NFIA: variants seen among roughly 807,000 people sequenced by gnomAD.
The protein encoded by NFIA is nuclear factor 1 A-type.
In NFIA, 8 loss-of-function variants were observed where a neutral mutation model predicts 62.8. That is an observed-to-expected ratio of 0.13 (90% CI 0.07 to 0.23). The LOEUF is 0.23. Among genes scored for constraint, NFIA ranks in the 10% least tolerant of loss-of-function variants. NFIA has a pLI of 1.00. For synonymous variants in NFIA, 235 were observed against 238.1 expected (o/e 0.99, Z 0.12); for missense variants, 410 against 642.1 (o/e 0.64, Z 3.91).
At chr1:61,121,831 T>A (rs1359480322) in intron 2 of NFIA, among the ~76,000 whole-genome samples, 1 of 152,202 alleles carries the variant, frequency 6.6e-6, no homozygotes, top group Non-Finnish European at 1.5e-5. Context: ...GAACTCTCTT[T>A]TTCATTTTCT....
At chr1:61,447,420 G>A (rs542437386) in intron 10 of NFIA, among the ~76,000 whole-genome samples, 1 of 152,256 alleles carries the variant, frequency 6.6e-6, no homozygotes, top group African/African-American at 2.4e-5. Flanking sequence ...TCTGATATTT[G>A]TTGGACTTTG....
chr1:61,268,312 A>C (rs1017314915), intron 2 of NFIA, among the ~76,000 whole-genome samples: 6 of 152,200 alleles, frequency 3.9e-5, no homozygotes. Context: ...CTGATTATGG[A>C]TATGACAAGA....
intron 2 of NFIA, among the ~76,000 whole-genome samples, chr1:61,177,843 C>T (rs1570321120): frequency 6.6e-6 from 1 of 152,104 alleles, no homozygotes; most frequent in Non-Finnish European, 1.5e-5. Flanking sequence ...CATTTGCAAA[C>T]TTTATTTTTT....
At chr1:61,183,318 G>T (rs1303874903) in intron 2 of NFIA, among the ~76,000 whole-genome samples, 1 of 152,232 alleles carries the variant, frequency 6.6e-6, no homozygotes, top group East Asian at 1.9e-4. Flanking sequence ...GAGCCATGCA[G>T]AAAGGTCACA....
At chr1:61,156,646 G>A (rs541804708) in intron 2 of NFIA, among the ~76,000 whole-genome samples, 55 of 152,296 alleles carry the variant, frequency 3.6e-4, no homozygotes, top group African/African-American at 1.2e-3. Context: ...ACATAGTTCT[G>A]TCGAAAGAGA....
chr1:61,298,032 G>A (rs138046410), intron 3 of NFIA, among the ~76,000 whole-genome samples: 6 of 152,216 alleles, frequency 3.9e-5, no homozygotes, highest in East Asian at 1.9e-4. Flanking sequence ...TAACTGATAC[G>A]GTTTGGCTCT....
intron 9 of NFIA, among the ~76,000 whole-genome samples, chr1:61,413,577 C>G (rs537952769): frequency 6.9e-6 from 1 of 144,664 alleles, no homozygotes; most frequent in South Asian, 2.2e-4. Flanking sequence ...CCACAGCTGT[C>G]TGCTACTGTC....
chr1:61,234,188 A>G (rs1654843704), intron 2 of NFIA, among the ~76,000 whole-genome samples: 1 of 151,858 alleles, frequency 6.6e-6, no homozygotes, highest in African/African-American at 2.4e-5. Context: ...ACCCACATGG[A>G]GAAACCCCAT....
At chr1:61,149,553 T>G (rs1352633459) in intron 2 of NFIA, among the ~76,000 whole-genome samples, 3 of 152,276 alleles carry the variant, frequency 2.0e-5, no homozygotes, top group African/African-American at 4.8e-5. Context: ...CAGTACCAAC[T>G]AATTCCTCAG....
chr1:61,280,022 A>G (rs1658037869), intron 3 of NFIA, among the ~76,000 whole-genome samples: 1 of 152,180 alleles, frequency 6.6e-6, no homozygotes. Context: ...TCAGTTTTCT[A>G]TTTGTTTCAA....
At chr1:61,175,568 G>A (rs896623588) in intron 2 of NFIA, among the ~76,000 whole-genome samples, 2 of 152,084 alleles carry the variant, frequency 1.3e-5, no homozygotes, top group African/African-American at 4.8e-5. Context: ...TATTTAGCAA[G>A]GTAACAATGC....
intron 2 of NFIA, among the ~76,000 whole-genome samples, chr1:61,145,897 CT>C (rs1647897569): frequency 6.6e-6 from 1 of 152,208 alleles, no homozygotes; most frequent in Admixed American, 6.5e-5. Flanking sequence ...TTCAACTCTT[CT>C]TTGTATGACT....
chr1:61,410,464 A>G (rs1181040650), intron 9 of NFIA, among the ~76,000 whole-genome samples: 4 of 152,236 alleles, frequency 2.6e-5, no homozygotes, highest in Admixed American at 2.6e-4. Flanking sequence ...GAGCATCATG[A>G]CAGGGTATTC....
intron 10 of NFIA, among the ~76,000 whole-genome samples, chr1:61,450,784 G>T (rs1668022166): frequency 6.6e-6 from 1 of 152,100 alleles, no homozygotes. Context: ...CTGCATCACA[G>T]TCCACTCTGC....
At chr1:61,115,012 C>G (rs566324569) in intron 2 of NFIA, among the ~76,000 whole-genome samples, 1 of 152,198 alleles carries the variant, frequency 6.6e-6, no homozygotes, top group Non-Finnish European at 1.5e-5. Context: ...TAGAATCTCA[C>G]TCTGTCACCC....
chr1:61,342,234 G>A lies in NFIA; in HGVS notation c.700+9648G>A, dbSNP rs115964484. On this transcript the variant is annotated intron_variant, in intron 4 of 10. Transcript: ENST00000403491. ...AACAGCTGAATTAGTCAGTTGTTGG[G>A]ATGGGACTCTGTTGATACGGTTTGG... Among the ~76,000 whole-genome samples the A allele has an allele frequency of 6.6e-3, 1,001 of 152,222 alleles. 16 individuals carry two copies. The highest frequency in any genetic ancestry group is 0.023 in the African/African-American group (970 of 41,520).
chr1:61,249,489 C>T (rs1283534708), intron 2 of NFIA, among the ~76,000 whole-genome samples: 1 of 152,128 alleles, frequency 6.6e-6, no homozygotes, highest in East Asian at 1.9e-4. Flanking sequence ...TGAATAATGG[C>T]CAGATGCGGT....
At position 61,229,215 on chromosome 1, in the gene NFIA, A is replaced by T. The variant is rs182435065; in HGVS notation, c.560-48305A>T. Among the ~76,000 whole-genome samples, 624 of 152,114 alleles carry T rather than the reference A, an allele frequency of 4.1e-3. 9 individuals carry two copies. Among genetic ancestry groups the T allele is most frequent in the Admixed American group, 0.019 (294 of 15,276 alleles). On this transcript the variant is annotated intron_variant, in intron 2 of 10. Transcript: ENST00000403491. ...CTGTACAAATCAACTTGACCATTTTATTGAACTAAAAAGCATAAAATATAA... is the reference window on the plus strand; with the variant it reads ...CTGTACAAATCAACTTGACCATTTTTTTGAACTAAAAAGCATAAAATATAA...
At chr1:61,175,706 CTGTG>C (rs1231629676) in intron 2 of NFIA, among the ~76,000 whole-genome samples, 1 of 152,196 alleles carries the variant, frequency 6.6e-6, no homozygotes, top group African/African-American at 2.4e-5. Flanking sequence ...ATGTCATAGT[CTGTG>C]TAAGTCAGTT....
Sources: gnomAD v4.1 joint callset for allele counts (sites outside exome capture counted in the v4.1 genomes callset) on GRCh38, gnomAD v4.1.1 for gene constraint, MANE v1.5 for transcripts, NCBI Gene and HGNC (gene_info 2026-07-23, HGNC 2026-07-21) for gene names.